Variants in CRP observed in about 807,000 individuals in gnomAD.
CRP encodes C-reactive protein, pentraxin-related.
Under a neutral mutation model 3.0 loss-of-function variants are expected in CRP, and 6 were observed. That is an observed-to-expected ratio of 2.02 (90% CI 1.11 to 3.99). CRP has a LOEUF of 3.99. Among genes scored for constraint, CRP ranks in the 30% most tolerant of loss-of-function variants. CRP has a pLI of 0.00. For missense variants in CRP, 297 were observed against 271.0 expected (o/e 1.10, Z -0.67); for synonymous variants, 130 against 111.0 (o/e 1.17, Z -1.08).
chr1:159,714,515 G>T lies in CRP; in HGVS notation c.-30C>A. 1 of 1,612,776 alleles carries T rather than the reference G, an allele frequency of 6.2e-7. No homozygotes were observed. Among genetic ancestry groups the T allele is most frequent in the Non-Finnish European group, 8.5e-7 (1 of 1,179,236 alleles). On this transcript the variant is annotated 5_prime_UTR_variant, in exon 1 of 2. Transcript: ENST00000255030. Reference sequence around the variant, plus strand: ...ACGTCCTGCTGCCAGTGATACAAGGGCCTGAATTCACTCCTTTGGAAAAGA... The same window carrying T: ...ACGTCCTGCTGCCAGTGATACAAGGTCCTGAATTCACTCCTTTGGAAAAGA...
chr1:159,713,368 G>T lies in CRP; in HGVS notation c.*157C>A. ...CCTCCATTCTCAGGCGCTGAGGAGG[G>T]TGGAGCAGGCCTGCAATGCATATAG... On this transcript the variant is annotated 3_prime_UTR_variant, in exon 2 of 2. Coordinates refer to ENST00000255030, the MANE Select transcript of CRP (RefSeq NM_000567.3). 2 of 899,018 alleles carry T rather than the reference G, an allele frequency of 2.2e-6. No homozygotes were observed. Among genetic ancestry groups the T allele is most frequent in the Non-Finnish European group, 3.3e-6 (2 of 611,722 alleles). 55.7% of individuals were successfully genotyped at this position (899,018 alleles called of 1,614,324 possible). A position where few individuals can be genotyped will look rare whatever the true frequency, so the allele number is the denominator to read the frequency against.
Position 159,713,527 on chromosome 1 carries a change from A to G in CRP, c.673T>C (p.Ter225ArgextTer70). 6.2e-7 allele frequency: 1 copy of G among 1,606,942 alleles called. No homozygotes were observed. Among genetic ancestry groups the G allele is most frequent in the African/African-American group, 1.3e-5 (1 of 74,804 alleles). ...CCTTCAGGACCCACAGCTGGGCCTCAGGGCCACAGCTGGGGTTTGGTGAAC... is the reference window on the plus strand; with the variant it reads ...CCTTCAGGACCCACAGCTGGGCCTCGGGGCCACAGCTGGGGTTTGGTGAAC... ...EVFTKPQLWP* is the reference protein window; with the variant it reads ...EVFTKPQLWPR Residue 225 changes from the stop codon to arginine, a stop_lost, in exon 2 of 2, where the codon TGA (stop) becomes CGA (arginine). Transcript: ENST00000255030.
Position 159,713,875 on chromosome 1 carries a change from C to T in CRP, c.325G>A (p.Val109Ile). The change falls in exon 2 of 2, where the codon GTA becomes ATA. Residue 109 changes from valine (V) to isoleucine (I), a missense_variant. Coordinates refer to ENST00000255030, the MANE Select transcript of CRP (RefSeq NM_000567.3). ...EILFEVPEVT[V>I]APVHICTSWE... is the part of the protein sequence containing the mutation. ...CTTGTACAAATGTGTACTGGAGCTA[C>T]TGTGACTTCAGGAACCTCGAATAAT... The T allele has an allele frequency of 6.2e-7, 1 of 1,614,182 alleles. No homozygotes were observed. The highest frequency in any genetic ancestry group is 8.5e-7 in the Non-Finnish European group (1 of 1,180,038).
chr1:159,714,155 C>T lies in CRP; in HGVS notation c.62-17G>A. 6.3e-7 allele frequency: 1 copy of T among 1,597,774 alleles called. No homozygotes were observed. Among genetic ancestry groups the T allele is most frequent in the Non-Finnish European group, 8.5e-7 (1 of 1,174,930 alleles). ...TCGACATGTCTGTGAGCCAGAAAAA[C>T]AAGCAAATGTGAGAGGTTTCTCAGA... On this transcript the variant is annotated splice_polypyrimidine_tract_variant and intron_variant, in intron 1 of 1. Coordinates refer to ENST00000255030, the MANE Select transcript of CRP (RefSeq NM_000567.3).
chr1:159,713,592 A>C lies in CRP; in HGVS notation c.608T>G (p.Leu203Arg), dbSNP rs1189460172. ...TTCATACTTCAGTGCCCGCCAGTTC[A>C]GGACATTAGGACTGAAGGGCCCGCC... Reference protein sequence around the residue: ...YLGGPFSPNVLNWRALKYEVQ... With the variant: ...YLGGPFSPNVRNWRALKYEVQ... The change falls in exon 2 of 2, where the codon CTG becomes CGG. Residue 203 changes from leucine (L) to arginine (R), a missense_variant. Coordinates refer to ENST00000255030, the MANE Select transcript of CRP (RefSeq NM_000567.3). 1 of 1,614,176 alleles carries C rather than the reference A, an allele frequency of 6.2e-7. No individual in the cohort carries two copies. Among genetic ancestry groups the C allele is most frequent in the Non-Finnish European group, 8.5e-7 (1 of 1,180,026 alleles).
Position 159,713,960 on chromosome 1 carries a change from C to T in CRP, c.240G>A (p.Glu80=). 1 of 1,613,886 alleles carries T rather than the reference C, an allele frequency of 6.2e-7. No homozygotes were observed. Among genetic ancestry groups the T allele is most frequent in the South Asian group, 1.1e-5 (1 of 91,058 alleles). ...FSYATKRQDN[E]ILIFWSKDIG... ...TATCCTTAGACCAAAATATGAGAAT[C>T]TCATTGTCTTGTCTCTTGGTGGCAT... is the stretch of plus-strand genomic sequence containing the variant. Residue 80 remains glutamate (E), a synonymous_variant, in exon 2 of 2, where the codon GAG becomes GAA. Coordinates refer to ENST00000255030, the MANE Select transcript of CRP (RefSeq NM_000567.3).
At position 159,714,123 on chromosome 1, in the gene CRP, G is replaced by T; in HGVS notation, c.77C>A (p.Ala26Asp). ...ATCCGACTCTTTGGGAAACACAAAAGCCTTCCTCGACATGTCTGTGAGCCA... is the reference window on the plus strand; with the variant it reads ...ATCCGACTCTTTGGGAAACACAAAATCCTTCCTCGACATGTCTGTGAGCCA... ...AFGQTDMSRK[A>D]FVFPKESDTS... Residue 26 changes from alanine (A) to aspartate (D), a missense_variant, in exon 2 of 2, where the codon GCT (alanine) becomes GAT (aspartate). By Grantham distance (126) the Ala-to-Asp change is moderately radical. Transcript: ENST00000255030. 1 of 1,610,888 alleles carries T rather than the reference G, an allele frequency of 6.2e-7. No homozygotes were observed. Among genetic ancestry groups the T allele is most frequent in the Non-Finnish European group, 8.5e-7 (1 of 1,179,460 alleles).
rs1660723172 is a variant in CRP at position 159,713,338 on chromosome 1, CTT to C, written c.*185_*186del. The C allele has an allele frequency of 3.0e-6, 2 of 659,212 alleles. No homozygotes were observed. The highest frequency in any genetic ancestry group is 4.9e-6 in the Non-Finnish European group (2 of 406,888). 40.8% of individuals were successfully genotyped at this position (659,212 alleles called of 1,614,324 possible). On this transcript the variant is annotated 3_prime_UTR_variant, in exon 2 of 2. Transcript: ENST00000255030. Reference sequence around the variant, plus strand: ...AGTTAACGAGCTCCCAGACCAGACACTTTACCTCCATTCTCAGGCGCTGAGGA... The same window carrying C: ...AGTTAACGAGCTCCCAGACCAGACACTACCTCCATTCTCAGGCGCTGAGGA...
Position 159,712,679 on chromosome 1 carries a change from C to T in CRP, c.*846G>A, listed in dbSNP as rs1571034815. 6.6e-6 allele frequency: 1 copy of T among 152,236 alleles called. No individual in the cohort carries two copies. The highest frequency in any genetic ancestry group is 1.5e-5 in the Non-Finnish European group (1 of 68,068). 9.4% of individuals were successfully genotyped at this position (152,236 alleles called of 1,614,324 possible). A position where few individuals can be genotyped will look rare whatever the true frequency, so the allele number is the denominator to read the frequency against. ...CAGGACACCCTGTGGTTCACGTCCA[C>T]TCTTGTGGCCTGGGTATATTGGGAA... On this transcript the variant is annotated 3_prime_UTR_variant, in exon 2 of 2. Coordinates refer to ENST00000255030, the MANE Select transcript of CRP (RefSeq NM_000567.3).
In CRP at chr1:159,713,597, A is replaced by C; in HGVS notation, c.603T>G (p.Asn201Lys). 6.2e-7 allele frequency: 1 copy of C among 1,614,192 alleles called. No homozygotes were observed. The highest frequency in any genetic ancestry group is 8.5e-7 in the Non-Finnish European group (1 of 1,180,038). ...ACTTCAGTGCCCGCCAGTTCAGGACATTAGGACTGAAGGGCCCGCCAAGAT... is the reference window on the plus strand; with the variant it reads ...ACTTCAGTGCCCGCCAGTTCAGGACCTTAGGACTGAAGGGCCCGCCAAGAT... ...TIYLGGPFSP[N>K]VLNWRALKYE... Residue 201 changes from asparagine to lysine, a missense_variant, in exon 2 of 2, where the codon AAT becomes AAG. Coordinates refer to ENST00000255030, the MANE Select transcript of CRP (RefSeq NM_000567.3).
rs763970730 is a variant in CRP at position 159,713,896 on chromosome 1, A to G, written c.304T>C (p.Phe102Leu). ...GCTACTGTGACTTCAGGAACCTCGAATAATATTTCAGACCCACCCACTGTA... is the reference window on the plus strand; with the variant it reads ...GCTACTGTGACTTCAGGAACCTCGAGTAATATTTCAGACCCACCCACTGTA... ...SFTVGGSEIL[F>L]EVPEVTVAPV... The change falls in exon 2 of 2, where the codon TTC (phenylalanine) becomes CTC (leucine). Residue 102 changes from phenylalanine to leucine, a missense_variant. Physicochemically the swap from Phe to Leu is conservative, Grantham distance 22. Transcript: ENST00000255030. 97 of 1,614,022 alleles carry G rather than the reference A, an allele frequency of 6.0e-5. No homozygotes were observed. Among genetic ancestry groups the G allele is most frequent in the Non-Finnish European group, 7.2e-5 (85 of 1,180,034 alleles).
At position 159,713,639 on chromosome 1, in the gene CRP, A is replaced by G. The variant is rs1352566843; in HGVS notation, c.561T>C (p.Asp187=). Residue 187 remains aspartate, a synonymous_variant, in exon 2 of 2, where the codon GAT becomes GAC. Coordinates refer to ENST00000255030, the MANE Select transcript of CRP (RefSeq NM_000567.3). ...VNMWDFVLSP[D]EINTIYLGGP... ...CGCCAAGATAGATGGTGTTAATCTC[A>G]TCTGGTGACAGCACAAAGTCCCACA... is the stretch of plus-strand genomic sequence containing the variant. The G allele has an allele frequency of 2.5e-6, 4 of 1,612,918 alleles. No individual in the cohort carries two copies. In the African/African-American group the frequency reaches 5.3e-5, roughly 22 times the overall value.
At position 159,713,428 on chromosome 1, in the gene CRP, C is replaced by A; in HGVS notation, c.*97G>T. 2 of 1,472,820 alleles carry A rather than the reference C, an allele frequency of 1.4e-6. No homozygotes were observed. The highest frequency in any genetic ancestry group is 2.3e-5 in the East Asian group (1 of 43,644). 91.2% of individuals were successfully genotyped at this position (1,472,820 alleles called of 1,614,324 possible). A position where few individuals can be genotyped will look rare whatever the true frequency, so the allele number is the denominator to read the frequency against. ...GGCCCAGAGACAGAGACGTGGGAAC[C>A]ATGCAGTGTAAAAAAGCGGGAGGTA... is the stretch of plus-strand genomic sequence containing the variant. On this transcript the variant is annotated 3_prime_UTR_variant, in exon 2 of 2. Transcript: ENST00000255030.
In CRP at chr1:159,713,981, G is replaced by T; in HGVS notation, c.219C>A (p.Ala73=). 2 of 1,613,524 alleles carry T rather than the reference G, an allele frequency of 1.2e-6. No individual in the cohort carries two copies. Among genetic ancestry groups the T allele is most frequent in the South Asian group, 2.2e-5 (2 of 91,054 alleles). ...STRGYSIFSY[A]TKRQDNEILI... Reference sequence around the variant, plus strand: ...GAATCTCATTGTCTTGTCTCTTGGTGGCATACGAGAAAATACTGTACCCAC... The same window carrying T: ...GAATCTCATTGTCTTGTCTCTTGGTTGCATACGAGAAAATACTGTACCCAC... The change falls in exon 2 of 2, where the codon GCC becomes GCA. Residue 73 remains alanine (A), a synonymous_variant. Coordinates refer to ENST00000255030, the MANE Select transcript of CRP (RefSeq NM_000567.3).
Position 159,713,980 on chromosome 1 carries a change from T to C in CRP, c.220A>G (p.Thr74Ala). 6.2e-7 allele frequency: 1 copy of C among 1,613,586 alleles called. No homozygotes were observed. Among genetic ancestry groups the C allele is most frequent in the Non-Finnish European group, 8.5e-7 (1 of 1,179,976 alleles). Reference sequence around the variant, plus strand: ...AGAATCTCATTGTCTTGTCTCTTGGTGGCATACGAGAAAATACTGTACCCA... The same window carrying C: ...AGAATCTCATTGTCTTGTCTCTTGGCGGCATACGAGAAAATACTGTACCCA... ...TRGYSIFSYATKRQDNEILIF... is the reference protein window; with the variant it reads ...TRGYSIFSYAAKRQDNEILIF... The change falls in exon 2 of 2, where the codon ACC becomes GCC. Residue 74 changes from threonine to alanine, a missense_variant. Thr to Ala is a moderately conservative substitution (Grantham distance 58). Coordinates refer to ENST00000255030, the MANE Select transcript of CRP (RefSeq NM_000567.3).
Position 159,713,431 on chromosome 1 carries a change from G to A in CRP, c.*94C>T. On this transcript the variant is annotated 3_prime_UTR_variant, in exon 2 of 2. Transcript: ENST00000255030. Reference sequence around the variant, plus strand: ...CCAGAGACAGAGACGTGGGAACCATGCAGTGTAAAAAAGCGGGAGGTACCA... The same window carrying A: ...CCAGAGACAGAGACGTGGGAACCATACAGTGTAAAAAAGCGGGAGGTACCA... 1 of 1,477,544 alleles carries A rather than the reference G, an allele frequency of 6.8e-7. No individual in the cohort carries two copies. The highest frequency in any genetic ancestry group is 9.1e-7 in the Non-Finnish European group (1 of 1,101,602). 91.5% of individuals were successfully genotyped at this position (1,477,544 alleles called of 1,614,324 possible). A position where few individuals can be genotyped will look rare whatever the true frequency, so the allele number is the denominator to read the frequency against.
At chr1:159,714,350 G>T (rs564026552) in intron 1 of CRP, 75 bp downstream of exon 1, 107 of 1,124,056 alleles carry the variant, frequency 9.5e-5, no homozygotes, top group Non-Finnish European at 1.3e-4. Flanking sequence ...TTTTTTTTGA[G>T]ACTGTTCATG....
chr1:159,714,212 G>A lies in CRP; in HGVS notation c.62-74C>T. ...AGATCTATCCCCTCACTTACGTATA[G>A]AATTTAAGATTGAGAAACAGACTGA... is the stretch of plus-strand genomic sequence containing the variant. On this transcript the variant is annotated intron_variant, in intron 1 of 1. Transcript: ENST00000255030. 4 of 1,534,268 alleles carry A rather than the reference G, an allele frequency of 2.6e-6. No individual in the cohort carries two copies. The South Asian group carries it at 5.1e-5, about 20-fold the overall frequency.
rs553010709 is a variant in CRP, at chr1:159,714,141, G to T, written c.62-3C>A. ...CACAAAAGCCTTCCTCGACATGTCT[G>T]TGAGCCAGAAAAACAAGCAAATGTG... On this transcript the variant is annotated splice_polypyrimidine_tract_variant and splice_region_variant and intron_variant, in intron 1 of 1. Coordinates refer to ENST00000255030, the MANE Select transcript of CRP (RefSeq NM_000567.3). 3 of 1,603,468 alleles carry T rather than the reference G, an allele frequency of 1.9e-6. No homozygotes were observed. In the South Asian group the frequency reaches 3.3e-5, roughly 18 times the overall value.
Sources: gnomAD v4.1 joint callset for allele counts on GRCh38, gnomAD v4.1.1 for gene constraint, MANE v1.5 for transcripts, NCBI Gene and HGNC (gene_info 2026-07-23, HGNC 2026-07-21) for gene names.